CFAP61: variants seen among roughly 807,000 people sequenced by gnomAD.
CFAP61 encodes the protein cilia and flagella associated protein 61, also known as cilia- and flagella-associated protein 61.
Under a neutral mutation model 135.6 loss-of-function variants are expected in CFAP61, and 107 were observed. That is an observed-to-expected ratio of 0.79 (90% CI 0.67 to 0.93). The LOEUF (loss-of-function observed/expected upper bound fraction) is 0.93. CFAP61 is among the 40% of genes least tolerant of loss of function. The probability of loss-of-function intolerance (pLI) is 0.00; values close to 1 mark genes in which losing one functional copy is unlikely to be tolerated. For synonymous variants in CFAP61, 575 were observed against 578.5 expected, an observed-to-expected ratio of 0.99 and a Z score of 0.09; for missense variants, 1,507 against 1,556.2, an observed-to-expected ratio of 0.97 and a Z score of 0.53.
intron 25 of CFAP61, among the ~76,000 whole-genome samples, chr20:20,305,103 C>T (rs1455438318): frequency 6.6e-6 from 1 of 150,838 alleles, no homozygotes; most frequent in African/African-American, 2.4e-5. Flanking sequence ...CAGCCCGGCC[C>T]TCGCGCCCGC....
intron 2 of CFAP61, among the ~76,000 whole-genome samples, chr20:20,060,886 G>A (rs1259441888): frequency 1.3e-5 from 2 of 152,246 alleles, no homozygotes; most frequent in African/African-American, 4.8e-5. Context: ...CTCCCCGCTA[G>A]CAACTGCCAC....
intron 8 of CFAP61, among the ~76,000 whole-genome samples, chr20:20,119,609 C>T (rs2049451538): frequency 6.6e-6 from 1 of 151,972 alleles, no homozygotes; most frequent in African/African-American, 2.4e-5. Context: ...TTTATTTCTA[C>T]TCTGATCTTT....
chr20:20,208,943 G>C (rs906818342), intron 17 of CFAP61, among the ~76,000 whole-genome samples: 1 of 152,142 alleles, frequency 6.6e-6, no homozygotes, highest in Admixed American at 6.5e-5. Context: ...TTTGGGGTGG[G>C]GGGGCATGGG....
chr20:20,251,846 C>G (rs956296728), intron 20 of CFAP61, 83 bp downstream of exon 20: 18 of 1,406,132 alleles, frequency 1.3e-5, no homozygotes, highest in Admixed American at 8.7e-5. Context: ...GGCACACACA[C>G]TCTGGGTAAA....
chr20:20,340,378 T>A (rs1361085198), intron 25 of CFAP61, among the ~76,000 whole-genome samples: 3 of 151,552 alleles, frequency 2.0e-5, no homozygotes, highest in Non-Finnish European at 2.9e-5. Flanking sequence ...AGAGGGTGAG[T>A]AGGCAGATCA....
At chr20:20,259,323 A>G (rs1202446179) in intron 20 of CFAP61, among the ~76,000 whole-genome samples, 1 of 136,138 alleles carries the variant, frequency 7.3e-6, no homozygotes, top group Non-Finnish European at 1.5e-5. Context: ...GTGCAATCAC[A>G]GCTCACTGCA....
At chr20:20,158,883 G>T (rs2053171989) in intron 9 of CFAP61, among the ~76,000 whole-genome samples, 1 of 152,182 alleles carries the variant, frequency 6.6e-6, no homozygotes, top group South Asian at 2.1e-4. Context: ...TCAAATATAT[G>T]TAGCTTATTG....
At position 20,065,333 on chromosome 20, in the gene CFAP61, A is replaced by G. The variant is rs141314443; in HGVS notation, c.144-5521A>G. ...CCTGCATTCAATCCACTCTTCCCAC[A>G]CTTTTCCTATCTCAGTAATTCCAGC... On this transcript the variant is annotated intron_variant, in intron 2 of 26. Coordinates refer to ENST00000245957, the MANE Select transcript of CFAP61 (RefSeq NM_015585.4). Among the ~76,000 whole-genome samples, 484 of 151,780 alleles carry G rather than the reference A, an allele frequency of 3.2e-3. 2 individuals carry two copies. The highest frequency in any genetic ancestry group is 5.4e-3 in the Non-Finnish European group (367 of 67,962).
chr20:20,179,342 T>A (rs2054874325), intron 13 of CFAP61, among the ~76,000 whole-genome samples: 1 of 152,160 alleles, frequency 6.6e-6, no homozygotes, highest in Non-Finnish European at 1.5e-5. Context: ...GAAAGATCTC[T>A]ACAAGGAGAA....
intron 13 of CFAP61, among the ~76,000 whole-genome samples, chr20:20,187,335 G>C (rs962688944): frequency 6.6e-6 from 1 of 152,228 alleles, no homozygotes; most frequent in Admixed American, 6.5e-5. Flanking sequence ...GGTGCCAGGG[G>C]CAGGGAGCAG....
chr20:20,121,300 G>A (rs1369607302), intron 8 of CFAP61, among the ~76,000 whole-genome samples: 10 of 150,964 alleles, frequency 6.6e-5, no homozygotes, highest in Non-Finnish European at 3.0e-5. Context: ...GTAGAGATGG[G>A]GTTTTGCCAC....
chr20:20,132,797 A>T (rs771456407), intron 8 of CFAP61, among the ~76,000 whole-genome samples: 4 of 151,990 alleles, frequency 2.6e-5, no homozygotes, highest in Non-Finnish European at 5.9e-5. Flanking sequence ...TCTGATTTTA[A>T]TATGGCCACA....
At chr20:20,106,476 C>T (rs1240237939) in intron 8 of CFAP61, among the ~76,000 whole-genome samples, 1 of 152,196 alleles carries the variant, frequency 6.6e-6, no homozygotes, top group Non-Finnish European at 1.5e-5. Flanking sequence ...GCCCTGGGAG[C>T]GACCTGTGAT....
At chr20:20,203,568 A>G (rs1359039801) in intron 17 of CFAP61, among the ~76,000 whole-genome samples, 1 of 152,226 alleles carries the variant, frequency 6.6e-6, no homozygotes, top group African/African-American at 2.4e-5. Flanking sequence ...AGTAATAATC[A>G]CATCATGTAA....
intron 8 of CFAP61, among the ~76,000 whole-genome samples, chr20:20,103,825 A>G (rs2048190067): frequency 6.6e-6 from 1 of 152,234 alleles, no homozygotes; most frequent in Non-Finnish European, 1.5e-5. Context: ...AATTTTCTTG[A>G]TAATGCATAA....
intron 3 of CFAP61, among the ~76,000 whole-genome samples, chr20:20,072,028 A>C (rs1006700179): frequency 7.4e-5 from 11 of 148,870 alleles, no homozygotes; most frequent in Non-Finnish European, 1.6e-4. Flanking sequence ...GATAGAGCTA[A>C]CCTCAAAGGT....
intron 25 of CFAP61, among the ~76,000 whole-genome samples, chr20:20,306,620 T>C (rs1263285312): frequency 6.6e-6 from 1 of 152,134 alleles, no homozygotes; most frequent in Non-Finnish European, 1.5e-5. Flanking sequence ...TTAACATCAA[T>C]CTGAAGTTGG....
At chr20:20,173,061 T>A (rs2054345549) in intron 13 of CFAP61, among the ~76,000 whole-genome samples, 1 of 152,176 alleles carries the variant, frequency 6.6e-6, no homozygotes, top group South Asian at 2.1e-4. Context: ...TTTGCTTTTT[T>A]TTCACGGATT....
At chr20:20,060,904 C>T (rs2044750424) in intron 2 of CFAP61, among the ~76,000 whole-genome samples, 1 of 152,192 alleles carries the variant, frequency 6.6e-6, no homozygotes, top group African/African-American at 2.4e-5. Flanking sequence ...CACCAGCTGC[C>T]AACCATGCAA....
Sources: allele counts gnomAD v4.1 joint callset (sites outside exome capture counted in the v4.1 genomes callset), GRCh38; gene constraint gnomAD v4.1.1; transcripts MANE v1.5; gene names NCBI Gene and HGNC (gene_info 2026-07-23, HGNC 2026-07-21).